DHRSX: variants seen among roughly 807,000 people sequenced by gnomAD.
DHRSX encodes the protein dehydrogenase/reductase X-linked, also known as polyprenol dehydrogenase.
DHRSX carries 31 observed loss-of-function variants against 34.0 expected under a neutral mutation model. The ratio of observed to expected loss-of-function variants is 0.91; its 90% CI spans 0.69 to 1.23. DHRSX has a LOEUF of 1.23. DHRSX is among the 50% of genes most tolerant of loss of function. The probability of loss-of-function intolerance (pLI) is 0.00; values close to 1 mark genes in which losing one functional copy is unlikely to be tolerated. For synonymous variants in DHRSX, 201 were observed against 183.8 expected, an observed-to-expected ratio of 1.09 and a Z score of -0.76; for missense variants, 414 against 428.1, an observed-to-expected ratio of 0.97 and a Z score of 0.29.
At chrX:2,334,417 G>C (rs2042525366) in intron 3 of DHRSX, 1 of 151,846 alleles carries the variant, frequency 6.6e-6, no homozygotes, top group Non-Finnish European at 1.5e-5. Flanking sequence ...CGCGTGCCCT[G>C]GCTGGGATTA....
chrX:2,386,205 T>A (rs747936578), intron 3 of DHRSX, among the ~76,000 whole-genome samples: 5 of 150,738 alleles, frequency 3.3e-5, no homozygotes, highest in South Asian at 4.2e-4. Flanking sequence ...ATTTTGTGTG[T>A]GAGAGAGAGA....
chrX:2,450,713 T>C (rs1178185829), intron 1 of DHRSX, among the ~76,000 whole-genome samples: 11 of 151,522 alleles, frequency 7.3e-5, no homozygotes, highest in African/African-American at 2.7e-4. Flanking sequence ...TCCTCCTTCT[T>C]GGAAAATTTA....
At chrX:2,463,246 G>A (rs2044428031) in intron 1 of DHRSX, among the ~76,000 whole-genome samples, 1 of 152,168 alleles carries the variant, frequency 6.6e-6, no homozygotes, top group African/African-American at 2.4e-5. Flanking sequence ...AACATGGGAG[G>A]CGGAGGTTGC....
At chrX:2,234,556 C>G (rs779286369) in intron 6 of DHRSX, among the ~76,000 whole-genome samples, 225 of 152,348 alleles carry the variant, frequency 1.5e-3, no homozygotes, top group African/African-American at 5.3e-3. Flanking sequence ...TGCAATCAAC[C>G]TAAGTGTCTG....
chrX:2,400,703 G>A (rs922575044), intron 3 of DHRSX, among the ~76,000 whole-genome samples: 17 of 152,262 alleles, frequency 1.1e-4, no homozygotes, highest in Admixed American at 2.6e-4. Context: ...TCTCTTGCAC[G>A]TGGAACGGGT....
chrX:2,372,909 G>T (rs747879647), intron 3 of DHRSX, among the ~76,000 whole-genome samples: 2 of 152,246 alleles, frequency 1.3e-5, no homozygotes, highest in Non-Finnish European at 2.9e-5. Flanking sequence ...ACCGCGCCTG[G>T]CTGGGGGTTG....
chrX:2,418,453 C>A (rs1169426528), intron 2 of DHRSX, among the ~76,000 whole-genome samples: 1 of 152,184 alleles, frequency 6.6e-6, no homozygotes, highest in Non-Finnish European at 1.5e-5. Context: ...ACCTAAACCA[C>A]CACAATGAGG....
Position 2,349,079 on chromosome X carries a change from A to G in DHRSX, c.287-57476T>C, listed in dbSNP as rs146381260. ...GTTTCCTGCAGAAATGGGTGAATAC[A>G]GTAAATGGTACGGACGTTCCTCAAA... On this transcript the variant is annotated intron_variant, in intron 3 of 6. Coordinates refer to ENST00000334651, the MANE Select transcript of DHRSX (RefSeq NM_145177.3). 4.1e-3 allele frequency among the ~76,000 whole-genome samples: 629 copies of G among 152,302 alleles called. 8 individuals carry two copies. Among genetic ancestry groups the G allele is most frequent in the East Asian group, 0.03 (154 of 5,190 alleles).
intron 3 of DHRSX, among the ~76,000 whole-genome samples, chrX:2,392,053 A>G (rs1312214083): frequency 6.6e-6 from 1 of 152,186 alleles, no homozygotes; most frequent in Non-Finnish European, 1.5e-5. Context: ...TTGCAAGGTG[A>G]GGAAGGAGGA....
At chrX:2,376,318 A>C (rs1162008745) in intron 3 of DHRSX, among the ~76,000 whole-genome samples, 1 of 137,602 alleles carries the variant, frequency 7.3e-6, no homozygotes, top group Non-Finnish European at 1.7e-5. Context: ...GAAAGCACAA[A>C]AGGGAAATGT....
intron 4 of DHRSX, among the ~76,000 whole-genome samples, chrX:2,270,149 C>T (rs1045873771): frequency 2.0e-5 from 3 of 152,126 alleles, no homozygotes; most frequent in African/African-American, 4.8e-5. Context: ...TGCCTCGGTA[C>T]ATGGACCCAT....
intron 6 of DHRSX, among the ~76,000 whole-genome samples, chrX:2,226,695 G>GGAAGTT (rs201376045): frequency 6.6e-6 from 1 of 150,998 alleles, no homozygotes; most frequent in East Asian, 2.0e-4. Flanking sequence ...CAGCTACTCG[G>GGAAGTT]GAGGCAGGAG....
Position 2,238,137 on chromosome X carries a change from T to C in DHRSX, c.804+4886A>G, listed in dbSNP as rs186634422. The stretch of plus-strand genomic sequence containing the variant: ...GGGAGGCCACAGCAGGAGGATCGCT[T>C]GGGGCTAGGAACTGGAGACCCGGCT... On this transcript the variant is annotated intron_variant, in intron 6 of 6. Transcript: ENST00000334651. Among the ~76,000 whole-genome samples, 82 of 152,174 alleles carry C rather than the reference T, an allele frequency of 5.4e-4. No individual in the cohort carries two copies. In the East Asian group the frequency reaches 0.016, roughly 29 times the overall value.
intron 1 of DHRSX, among the ~76,000 whole-genome samples, chrX:2,432,096 A>C (rs1327208847): frequency 6.6e-6 from 1 of 152,096 alleles, no homozygotes; most frequent in Admixed American, 6.6e-5. Context: ...CGGGAGGCTG[A>C]GGCAGGAGGA....
chrX:2,310,593 A>G (rs937236796), intron 3 of DHRSX, among the ~76,000 whole-genome samples: 1 of 151,520 alleles, frequency 6.6e-6, no homozygotes, highest in Non-Finnish European at 1.5e-5. Flanking sequence ...AGAGAGAGAA[A>G]ATAAGCAAGA....
chrX:2,461,555 A>G (rs1364176294), intron 1 of DHRSX, among the ~76,000 whole-genome samples: 1 of 152,156 alleles, frequency 6.6e-6, no homozygotes, highest in African/African-American at 2.4e-5. Context: ...TTATTTATTT[A>G]GAGACAGGGT....
intron 3 of DHRSX, among the ~76,000 whole-genome samples, chrX:2,341,494 G>A (rs1285491993): frequency 6.6e-6 from 1 of 152,048 alleles, no homozygotes; most frequent in Non-Finnish European, 1.5e-5. Flanking sequence ...TCTCCTCTGT[G>A]TCTGTGTCTC....
chrX:2,383,938 A>G (rs906665498), intron 3 of DHRSX, among the ~76,000 whole-genome samples: 2 of 152,244 alleles, frequency 1.3e-5, no homozygotes, highest in Middle Eastern at 3.2e-3. Flanking sequence ...CATGAAGGGC[A>G]TTCTGCCCAT....
intron 5 of DHRSX, among the ~76,000 whole-genome samples, chrX:2,253,836 G>A (rs747877445): frequency 1.6e-4 from 25 of 152,276 alleles, no homozygotes; most frequent in African/African-American, 5.8e-4. Context: ...CGAGGCGGGC[G>A]GATCACGAGG....
Sources: allele counts gnomAD v4.1 joint callset (sites outside exome capture counted in the v4.1 genomes callset), GRCh38; gene constraint gnomAD v4.1.1; transcripts MANE v1.5; gene names NCBI Gene and HGNC (gene_info 2026-07-23, HGNC 2026-07-21).